The following PARP2 variants were observed in gnomAD, a reference collection of about 807,000 sequenced individuals.
PARP2 encodes the protein poly(ADP-ribose) polymerase 2, also known as poly [ADP-ribose] polymerase 2.
Under a neutral mutation model 77.8 loss-of-function variants are expected in PARP2, and 57 were observed. The ratio of observed to expected loss-of-function variants is 0.73; its 90% CI spans 0.59 to 0.91. The LOEUF (loss-of-function observed/expected upper bound fraction) is 0.91. Among genes scored for constraint, PARP2 ranks in the 40% least tolerant of loss-of-function variants. The probability of loss-of-function intolerance (pLI) is 0.00; values close to 1 mark genes in which losing one functional copy is unlikely to be tolerated. For missense variants in PARP2, 651 were observed against 689.0 expected, an observed-to-expected ratio of 0.94 and a Z score of 0.62; for synonymous variants, 226 against 242.6, an observed-to-expected ratio of 0.93 and a Z score of 0.64.
chr14:20,347,217 A>G (rs1413515527), intron 4 of PARP2, among the ~76,000 whole-genome samples: 5 of 146,704 alleles, frequency 3.4e-5, no homozygotes, highest in African/African-American at 1.3e-4. Context: ...TTTAGTAGAG[A>G]CAAGGTTTCG....
At chr14:20,348,405 T>G (rs1883842898) in intron 4 of PARP2, among the ~76,000 whole-genome samples, 1 of 151,746 alleles carries the variant, frequency 6.6e-6, no homozygotes, top group Admixed American at 6.6e-5. Context: ...GGTTTTTTTT[T>G]TTTTAATTTT....
At chr14:20,345,935 G>A (rs1215841283) in intron 3 of PARP2, among the ~76,000 whole-genome samples, 4 of 152,020 alleles carry the variant, frequency 2.6e-5, no homozygotes, top group African/African-American at 7.3e-5. Context: ...GGTGTCACAC[G>A]CTTTTAAACT....
chr14:20,350,514 C>T lies in PARP2; in HGVS notation c.325-12C>T. 2 of 1,471,422 alleles carry T rather than the reference C, an allele frequency of 1.4e-6. No individual in the cohort carries two copies. The highest frequency in any genetic ancestry group is 1.4e-5 in the African/African-American group (1 of 71,352). The allele number at this position is 1,471,422 out of a possible 1,614,324, so 91.1% of individuals were successfully genotyped here. On this transcript the variant is annotated splice_polypyrimidine_tract_variant and intron_variant, in intron 4 of 15. Transcript: ENST00000429687. ...AACTCCTTTTTTTTGTTTTTGTTTT[C>T]ACTCAACATAGACCAATCTCCAGTT...
chr14:20,351,617 A>G (rs1883957296), intron 6 of PARP2, among the ~76,000 whole-genome samples: 1 of 152,252 alleles, frequency 6.6e-6, no homozygotes, highest in South Asian at 2.1e-4. Flanking sequence ...ATTAAATCAA[A>G]CTAATACCTT....
intron 8 of PARP2, chr14:20,354,593 A>G (rs967180609): frequency 3.6e-6 from 2 of 558,082 alleles, no homozygotes; most frequent in Non-Finnish European, 6.3e-6. Flanking sequence ...CTACTTGCGA[A>G]GCTGAAGTGG....
In PARP2 at chr14:20,346,890, G is replaced by A. The variant is rs1444656067; in HGVS notation, c.301G>A (p.Val101Ile). 3 of 1,606,660 alleles carry A rather than the reference G, an allele frequency of 1.9e-6. No individual in the cohort carries two copies. In the South Asian group the frequency reaches 3.3e-5, roughly 18 times the overall value. ...KAHVYCEGNDVYDVMLNQTNL... is the reference protein window; with the variant it reads ...KAHVYCEGNDIYDVMLNQTNL... ...TCATGTGTATTGTGAAGGAAATGAT[G>A]TCTATGATGTCATGCTAAATCAGGT... The change falls in exon 4 of 16, where the codon GTC (valine) becomes ATC (isoleucine). Residue 101 changes from valine (V) to isoleucine (I), a missense_variant. Physicochemically the swap from Val to Ile is conservative, Grantham distance 29. Coordinates refer to ENST00000429687, the MANE Select transcript of PARP2 (RefSeq NM_001042618.2).
At chr14:20,357,305 G>A (rs930856308) in intron 14 of PARP2, 91 bp from the exon 15 acceptor site, 8 of 1,455,928 alleles carry the variant, frequency 5.5e-6, no homozygotes, top group Admixed American at 1.9e-5. Context: ...CTGGAGTAGG[G>A]GAAAAAAGTA....
chr14:20,346,778 A>G, intron 3 of PARP2, 85 bp from the exon 4 acceptor site: 1 of 848,352 alleles, frequency 1.2e-6, no homozygotes, highest in Non-Finnish European at 2.0e-6. Flanking sequence ...TGATGACTTG[A>G]GCCATAAGAA....
In PARP2 at chr14:20,350,130, T is replaced by G. The variant is rs147225490; in HGVS notation, c.325-396T>G. 1.1e-4 allele frequency among the ~76,000 whole-genome samples: 16 copies of G among 152,326 alleles called. 1 individual carries two copies. The East Asian group carries it at 2.7e-3, about 26-fold the overall frequency. On this transcript the variant is annotated intron_variant, in intron 4 of 15. Coordinates refer to ENST00000429687, the MANE Select transcript of PARP2 (RefSeq NM_001042618.2). ...CATTTAACAGTTGAGCATAACAGGT[T>G]TAGACCTTTGGAGCATCCAAATTGT...
chr14:20,353,386 G>A (rs1044972006), intron 7 of PARP2, among the ~76,000 whole-genome samples: 23 of 151,804 alleles, frequency 1.5e-4, no homozygotes, highest in Non-Finnish European at 2.8e-4. Context: ...GACTACAGGC[G>A]CCCGCCACCA....
intron 15 of PARP2, 30 bp downstream of exon 15, chr14:20,357,550 G>A (rs1884203770): frequency 6.2e-7 from 1 of 1,602,808 alleles, no homozygotes; most frequent in East Asian, 2.2e-5. Context: ...AGGACTAGAA[G>A]ACTCCTTTTG....
chr14:20,353,298 G>A (rs1364760879), intron 7 of PARP2, among the ~76,000 whole-genome samples: 1 of 151,612 alleles, frequency 6.6e-6, no homozygotes, highest in East Asian at 1.9e-4. Flanking sequence ...CTGGAGTGCA[G>A]TGGCGCGATC....
Position 20,343,682 on chromosome 14 carries a change from C to G in PARP2, c.41C>G (p.Ala14Gly), listed in dbSNP as rs1415110483. 4 of 1,609,574 alleles carry G rather than the reference C, an allele frequency of 2.5e-6. No individual in the cohort carries two copies. The highest frequency in any genetic ancestry group is 1.1e-5 in the South Asian group (1 of 89,926). ...CGACGGAGCACCGGCGGCGGCAGGG[C>G]GAGAGGTTCGGAGCTCAATATCGCG... is the stretch of plus-strand genomic sequence containing the variant. Reference protein sequence around the residue: ...RRRRSTGGGRARALNESKRVN... With the variant: ...RRRRSTGGGRGRALNESKRVN... The change falls in exon 1 of 16, where the codon GCG becomes GGG. Residue 14 changes from alanine to glycine, a missense_variant. Physicochemically the swap from Ala to Gly is moderately conservative, Grantham distance 60. Coordinates refer to ENST00000429687, the MANE Select transcript of PARP2 (RefSeq NM_001042618.2).
chr14:20,357,537 A>G lies in PARP2; in HGVS notation c.1553+17A>G. The G allele has an allele frequency of 6.2e-7, 1 of 1,605,590 alleles. No individual in the cohort carries two copies. Among genetic ancestry groups the G allele is most frequent in the Non-Finnish European group, 8.5e-7 (1 of 1,176,858 alleles). On this transcript the variant is annotated intron_variant, in intron 15 of 15. Transcript: ENST00000429687. ...CGTCACCCTGTAAGTACTCAGAACC[A>G]GGAGGACTAGAAGACTCCTTTTGGC...
chr14:20,347,358 A>ATGTG (rs1566418245), intron 4 of PARP2, among the ~76,000 whole-genome samples: 5 of 9,232 alleles, frequency 5.4e-4, no homozygotes, highest in Non-Finnish European at 7.3e-4. Flanking sequence ...GTGTGTGTGT[A>ATGTG]TATATATATA....
intron 4 of PARP2, among the ~76,000 whole-genome samples, chr14:20,347,122 A>C (rs1252094810): frequency 1.3e-5 from 2 of 148,502 alleles, no homozygotes; most frequent in African/African-American, 5.0e-5. Context: ...TCTGCCTCCC[A>C]GGTTCAAGCA....
chr14:20,349,751 G>A (rs1051020293), intron 4 of PARP2, among the ~76,000 whole-genome samples: 2 of 151,430 alleles, frequency 1.3e-5, no homozygotes, highest in Admixed American at 6.6e-5. Flanking sequence ...GGCTAAGGTC[G>A]TACAATGGCT....
In PARP2 at chr14:20,355,951, C is replaced by T; in HGVS notation, c.1021C>T (p.Pro341Ser). 1 of 1,614,046 alleles carries T rather than the reference C, an allele frequency of 6.2e-7. No individual in the cohort carries two copies. The highest frequency in any genetic ancestry group is 8.5e-7 in the Non-Finnish European group (1 of 1,179,954). Residue 341 changes from proline to serine, a missense_variant, in exon 11 of 16, where the codon CCA (proline) becomes TCA (serine). By Grantham distance (74) the Pro-to-Ser change is moderately conservative (BLOSUM62 -1). Transcript: ENST00000429687. ...GCTGGTGAAAACAGAGCTACAAAGC[C>T]CAGAACACCCATTGGACCAACACTA... is the stretch of plus-strand genomic sequence containing the variant. Reference protein sequence around the residue: ...IKLVKTELQSPEHPLDQHYRN... With the variant: ...IKLVKTELQSSEHPLDQHYRN...
chr14:20,351,268 T>A (rs1039147174), intron 6 of PARP2, 146 bp downstream of exon 6: 19 of 520,846 alleles, frequency 3.6e-5, no homozygotes, highest in Non-Finnish European at 6.2e-5. Context: ...AACCTCCACC[T>A]CCTGGGTTTA....
Sources: gnomAD v4.1 joint callset for allele counts (sites outside exome capture counted in the v4.1 genomes callset) on GRCh38, gnomAD v4.1.1 for gene constraint, MANE v1.5 for transcripts, NCBI Gene and HGNC (gene_info 2026-07-23, HGNC 2026-07-21) for gene names.